The following ABCE1 variants were observed in gnomAD, a reference collection of about 807,000 sequenced individuals.
The protein encoded by ABCE1 is ATP-binding cassette sub-family E member 1.
ABCE1 carries 22 observed loss-of-function variants against 83.4 expected under a neutral mutation model. That is an observed-to-expected ratio of 0.26 (90% CI 0.19 to 0.38). ABCE1 has a LOEUF of 0.38. ABCE1 is among the 10% of genes least tolerant of loss of function. The pLI, the probability that ABCE1 is intolerant of heterozygous loss-of-function variation, is 1.00. For missense variants in ABCE1, 330 were observed against 721.9 expected, an observed-to-expected ratio of 0.46 and a Z score of 6.22; for synonymous variants, 204 against 233.7, an observed-to-expected ratio of 0.87 and a Z score of 1.16.
intron 4 of ABCE1, 98 bp downstream of exon 4, chr4:145,108,210 A>G (rs1187653170): frequency 9.9e-7 from 1 of 1,013,144 alleles, no homozygotes; most frequent in African/African-American, 1.6e-5. Flanking sequence ...AATGCTATTA[A>G]CCAGTCACTA....
intron 11 of ABCE1, 25 bp downstream of exon 11, chr4:145,120,178 T>TA (rs1263421440): frequency 3.2e-6 from 5 of 1,566,710 alleles, no homozygotes; most frequent in Non-Finnish European, 4.3e-6. Flanking sequence ...TTGTGATAAG[T>TA]AAAAATCTTC....
intron 10 of ABCE1, 63 bp from the exon 11 acceptor site, chr4:145,119,869 C>G: frequency 7.9e-7 from 1 of 1,262,886 alleles, no homozygotes; most frequent in Non-Finnish European, 1.1e-6. Context: ...TAGATTGCTC[C>G]CAAGAGAGCT....
intron 4 of ABCE1, 75 bp from the exon 5 acceptor site, chr4:145,109,057 T>C (rs1749389325): frequency 2.9e-6 from 3 of 1,026,146 alleles, no homozygotes; most frequent in Non-Finnish European, 4.5e-6. Flanking sequence ...TGCATTAAAA[T>C]ATATCATTCT....
At chr4:145,101,253 A>G (rs1234413717) in intron 1 of ABCE1, among the ~76,000 whole-genome samples, 3 of 152,156 alleles carry the variant, frequency 2.0e-5, no homozygotes, top group African/African-American at 7.2e-5. Context: ...GTAACTCTCT[A>G]GGGGGAATAG....
chr4:145,112,183 G>T, intron 8 of ABCE1, 56 bp from the exon 9 acceptor site: 1 of 1,265,630 alleles, frequency 7.9e-7, no homozygotes, highest in East Asian at 2.5e-5. Context: ...TAGTATGTAA[G>T]GTAGAATGTC....
chr4:145,109,222 A>G lies in ABCE1; in HGVS notation c.378A>G (p.Lys126=). 6.2e-7 allele frequency: 1 copy of G among 1,611,342 alleles called. No homozygotes were observed. Among genetic ancestry groups the G allele is most frequent in the East Asian group, 2.2e-5 (1 of 44,732 alleles). ...CTGCTTTAAAAATTTTAGCAGGAAA[A>G]CAAAAGCCAAACCTTGGAAAGTACG... ...KSTALKILAG[K]QKPNLGKYDD... The change falls in exon 5 of 18, where the codon AAA becomes AAG. Residue 126 remains lysine, a synonymous_variant. Coordinates refer to ENST00000296577, the MANE Select transcript of ABCE1 (RefSeq NM_002940.3).
rs1258412132 is a variant in ABCE1 at position 145,122,862 on chromosome 4, A to C, written c.1264-159A>C. 5 of 551,026 alleles carry C rather than the reference A, an allele frequency of 9.1e-6. No individual in the cohort carries two copies. In the East Asian group the frequency reaches 1.2e-4, roughly 13 times the overall value. 34.1% of individuals were successfully genotyped at this position (551,026 alleles called of 1,614,324 possible). ...TTGGACATGATGGGTTTTGAATAGA[A>C]AATCTCAAAACATGTCATAGATGGT... On this transcript the variant is annotated intron_variant, in intron 13 of 17. Transcript: ENST00000296577.
Position 145,112,216 on chromosome 4 carries a change from CTTTTTT to C in ABCE1, c.711-11_711-6del. 6.2e-6 allele frequency: 7 copies of C among 1,130,138 alleles called. No homozygotes were observed. The highest frequency in any genetic ancestry group is 3.0e-5 in the Admixed American group (1 of 33,794). The allele number at this position is 1,130,138 out of a possible 1,614,324, so 70.0% of individuals were successfully genotyped here. On this transcript the variant is annotated splice_polypyrimidine_tract_variant and intron_variant, in intron 8 of 17. Transcript: ENST00000296577. ...GTCTTGTCTTTCAAACTTATATTTG[CTTTTTT>C]TTTTTTTTTTTCATAGTTTCATGTT...
At chr4:145,121,147 T>C in intron 11 of ABCE1, 27 bp from the exon 12 acceptor site, 1 of 1,611,378 alleles carries the variant, frequency 6.2e-7, no homozygotes, top group Non-Finnish European at 8.5e-7. Context: ...ATCTTTCAGA[T>C]CAAACTGTCA....
intron 17 of ABCE1, among the ~76,000 whole-genome samples, chr4:145,126,384 TC>T (rs1483859772): frequency 6.6e-6 from 1 of 152,048 alleles, no homozygotes; most frequent in Admixed American, 6.6e-5. Context: ...AACCTCTGCC[TC>T]CCGAGTTCAA....
chr4:145,116,716 A>G (rs540458222), intron 9 of ABCE1, among the ~76,000 whole-genome samples: 1 of 152,032 alleles, frequency 6.6e-6, no homozygotes, highest in South Asian at 2.1e-4. Flanking sequence ...ATCATATCCC[A>G]TTCTCATTCA....
chr4:145,109,705 C>T lies in ABCE1; in HGVS notation c.406-398C>T, dbSNP rs962792844. On this transcript the variant is annotated intron_variant, in intron 5 of 17. Transcript: ENST00000296577. ...TGGAGCTTCACCAGAGTGTGAATGC[C>T]GCCCTATTAATTGTTCAAATAAATC... Among the ~76,000 whole-genome samples, 7 of 152,190 alleles carry T rather than the reference C, an allele frequency of 4.6e-5. No individual in the cohort carries two copies. The East Asian group carries it at 7.7e-4, about 17-fold the overall frequency.
Position 145,104,556 on chromosome 4 carries a change from A to G in ABCE1, c.103+41A>G, listed in dbSNP as rs144653326. On this transcript the variant is annotated intron_variant, in intron 2 of 17. Coordinates refer to ENST00000296577, the MANE Select transcript of ABCE1 (RefSeq NM_002940.3). ...GATCATTTAAGTATAAAAGAAAACC[A>G]TGAAAGAAATCAACTGGTTTGATAA... The G allele has an allele frequency of 2.7e-4, 358 of 1,313,410 alleles. No homozygotes were observed. In the African/African-American group the frequency reaches 4.6e-3, roughly 17 times the overall value. 81.4% of individuals were successfully genotyped at this position (1,313,410 alleles called of 1,614,324 possible).
At chr4:145,112,922 A>G (rs547655845) in intron 9 of ABCE1, among the ~76,000 whole-genome samples, 12 of 152,138 alleles carry the variant, frequency 7.9e-5, no homozygotes, top group Non-Finnish European at 1.0e-4. Flanking sequence ...TTACAAATTT[A>G]CTGTATGACA....
chr4:145,104,502 T>C lies in ABCE1; in HGVS notation c.90T>C (p.Pro30=). ...GACAGGAATGCAAAAAGAGTTGTCCTGTAGTTCGAATGGGTAAGCTGTTCT... is the reference window on the plus strand; with the variant it reads ...GACAGGAATGCAAAAAGAGTTGTCCCGTAGTTCGAATGGGTAAGCTGTTCT... The part of the protein sequence containing the change: ...KCRQECKKSC[P]VVRMGKLCIE... The change falls in exon 2 of 18, where the codon CCT becomes CCC. Residue 30 remains proline, a synonymous_variant. Transcript: ENST00000296577. The C allele has an allele frequency of 1.9e-6, 3 of 1,593,546 alleles. No individual in the cohort carries two copies. Among genetic ancestry groups the C allele is most frequent in the Non-Finnish European group, 2.6e-6 (3 of 1,169,852 alleles).
chr4:145,107,058 T>G (rs751488518), intron 3 of ABCE1, among the ~76,000 whole-genome samples: 1 of 152,122 alleles, frequency 6.6e-6, no homozygotes. Flanking sequence ...CGAAAAATTT[T>G]TCTAGCCATA....
At chr4:145,122,479 C>G (rs1218268009) in intron 13 of ABCE1, 3 of 151,620 alleles carry the variant, frequency 2.0e-5, no homozygotes, top group Admixed American at 1.3e-4. Context: ...TTATTACTTT[C>G]TAATTTTAAA....
At chr4:145,118,622 C>T (rs1000776002) in intron 10 of ABCE1, among the ~76,000 whole-genome samples, 10 of 151,690 alleles carry the variant, frequency 6.6e-5, no homozygotes, top group African/African-American at 1.7e-4. Context: ...TATGGGTACT[C>T]GGCAGTCATT....
rs746998563 is a variant in ABCE1, at chr4:145,104,490, A to G, written c.78A>G (p.Lys26=). The part of the protein sequence containing the change: ...CKPKKCRQEC[K]KSCPVVRMGK... ...CTAAGAAATGTCGACAGGAATGCAA[A>G]AAGAGTTGTCCTGTAGTTCGAATGG... Residue 26 remains lysine, a synonymous_variant, in exon 2 of 18, where the codon AAA becomes AAG. Transcript: ENST00000296577. 5 of 1,601,190 alleles carry G rather than the reference A, an allele frequency of 3.1e-6. No homozygotes were observed. The highest frequency in any genetic ancestry group is 4.6e-5 in the East Asian group (2 of 43,872).
Sources: gnomAD v4.1 joint callset for allele counts (sites outside exome capture counted in the v4.1 genomes callset) on GRCh38, gnomAD v4.1.1 for gene constraint, MANE v1.5 for transcripts, NCBI Gene and HGNC (gene_info 2026-07-23, HGNC 2026-07-21) for gene names.